The following SLTM variants were observed in gnomAD, a reference collection of about 807,000 sequenced individuals.
SLTM encodes SAFB-like transcription modulator.
SLTM carries 43 observed loss-of-function variants against 134.6 expected under a neutral mutation model. The ratio of observed to expected loss-of-function variants is 0.32; its 90% CI spans 0.25 to 0.41. The LOEUF (loss-of-function observed/expected upper bound fraction) is 0.41. SLTM is among the 10% of genes least tolerant of loss of function. The probability of loss-of-function intolerance (pLI) is 1.00; values close to 1 mark genes in which losing one functional copy is unlikely to be tolerated. For synonymous variants in SLTM, 424 were observed against 432.3 expected (o/e 0.98, Z 0.24); for missense variants, 1,055 against 1,288.8 (o/e 0.82, Z 2.78).
chr15:58,880,076 T>C lies in SLTM; in HGVS notation c.3028A>G (p.Ile1010Val). The change falls in exon 21 of 21, where the codon ATC (isoleucine) becomes GTC (valine). Residue 1010 changes from isoleucine (I) to valine (V), a missense_variant. This residue lies in a region of SLTM where 776 missense variants were observed against 962.2 expected (regional missense o/e 0.81). Coordinates refer to ENST00000380516, the MANE Select transcript of SLTM (RefSeq NM_024755.4). Reference sequence around the variant, plus strand: ...CCTCTTGGCATGGAATTGCCACTGATTTGTACAATTCTATTAATTGGGGAT... The same window carrying C: ...CCTCTTGGCATGGAATTGCCACTGACTTGTACAATTCTATTAATTGGGGAT... The part of the protein sequence containing the change: ...NASPINRIVQ[I>V]SGNSMPRGSG... 2 of 1,614,102 alleles carry C rather than the reference T, an allele frequency of 1.2e-6. No homozygotes were observed. The highest frequency in any genetic ancestry group is 1.1e-5 in the South Asian group (1 of 91,068).
intron 5 of SLTM, among the ~76,000 whole-genome samples, chr15:58,907,272 T>G (rs577011552): frequency 6.6e-6 from 1 of 152,248 alleles, no homozygotes; most frequent in Admixed American, 6.5e-5. Context: ...AAAAGGAATA[T>G]ACATGATGTT....
intron 2 of SLTM, among the ~76,000 whole-genome samples, chr15:58,919,593 G>C (rs1303641088): frequency 6.6e-6 from 1 of 152,008 alleles, no homozygotes; most frequent in Non-Finnish European, 1.5e-5. Flanking sequence ...ACCAACCACT[G>C]CACTCCAGCC....
At chr15:58,886,091 G>A (rs1175278049) in intron 19 of SLTM, among the ~76,000 whole-genome samples, 1 of 151,988 alleles carries the variant, frequency 6.6e-6, no homozygotes, top group Non-Finnish European at 1.5e-5. Flanking sequence ...AGTGTCACAA[G>A]AGTAAAAATT....
intron 1 of SLTM, among the ~76,000 whole-genome samples, chr15:58,932,772 T>A (rs1167298629): frequency 1.3e-5 from 2 of 151,728 alleles, no homozygotes; most frequent in African/African-American, 4.8e-5. Context: ...CTAAAAAGAG[T>A]TTTCCTAGTT....
chr15:58,891,754 T>C (rs1179758242), intron 14 of SLTM, among the ~76,000 whole-genome samples: 1 of 152,242 alleles, frequency 6.6e-6, no homozygotes, highest in African/African-American at 2.4e-5. Context: ...ATTTCTCCTT[T>C]ATATTATAGT....
At chr15:58,889,979 A>G in intron 15 of SLTM, 1 of 402,688 alleles carries the variant, frequency 2.5e-6, no homozygotes. Flanking sequence ...TTATTTTCTA[A>G]GACTGGGATA....
chr15:58,883,257 G>A (rs1249477024), intron 20 of SLTM, among the ~76,000 whole-genome samples: 1 of 152,252 alleles, frequency 6.6e-6, no homozygotes, highest in Non-Finnish European at 1.5e-5. Flanking sequence ...GGAGGTTGCA[G>A]TGAGCCAAGA....
At chr15:58,881,917 A>G (rs2033744341) in intron 20 of SLTM, among the ~76,000 whole-genome samples, 1 of 151,920 alleles carries the variant, frequency 6.6e-6, no homozygotes, top group East Asian at 2.0e-4. Flanking sequence ...TTAAAAAAAA[A>G]TAGAGCCACA....
At chr15:58,902,391 T>A (rs1285846573) in intron 5 of SLTM, among the ~76,000 whole-genome samples, 3 of 145,730 alleles carry the variant, frequency 2.1e-5, no homozygotes, top group Admixed American at 6.7e-5. Context: ...TTTTGATTGT[T>A]TTTTTTTTTT....
rs1200252716 is a variant in SLTM at position 58,901,124 on chromosome 15, CTAACT to C, written c.589+131_589+135del. 4 of 723,728 alleles carry C rather than the reference CTAACT, an allele frequency of 5.5e-6. No individual in the cohort carries two copies. The African/African-American group carries it at 7.2e-5, about 13-fold the overall frequency. The allele number at this position is 723,728 out of a possible 1,614,324, so 44.8% of individuals were successfully genotyped here. A position where few individuals can be genotyped will look rare whatever the true frequency, so the allele number is the denominator to read the frequency against. On this transcript the variant is annotated intron_variant, in intron 6 of 20. Transcript: ENST00000380516. ...CCAATTGGAAAATAAAATCAAGATG[CTAACT>C]TAATTCACTAAATGGATAAATTTGA...
chr15:58,926,628 T>C (rs1326693984), intron 2 of SLTM, among the ~76,000 whole-genome samples: 17 of 151,632 alleles, frequency 1.1e-4, no homozygotes, highest in African/African-American at 2.9e-4. Context: ...TTTTTTTTTT[T>C]CTTTGAGTCA....
chr15:58,894,610 G>A (rs1409459383), intron 9 of SLTM, 28 bp from the exon 10 acceptor site: 3 of 1,604,012 alleles, frequency 1.9e-6, no homozygotes, highest in African/African-American at 1.3e-5. Context: ...ACTTTAGAGA[G>A]TTTTACAACG....
intron 2 of SLTM, among the ~76,000 whole-genome samples, chr15:58,929,240 TG>T (rs1341240505): frequency 6.6e-6 from 1 of 152,092 alleles, no homozygotes; most frequent in Non-Finnish European, 1.5e-5. Flanking sequence ...TACCTGAGGT[TG>T]GGAGTTCAAG....
chr15:58,911,125 C>T lies in SLTM; in HGVS notation c.561+1438G>A, dbSNP rs573295106. Among the ~76,000 whole-genome samples, 118 of 152,182 alleles carry T rather than the reference C, an allele frequency of 7.8e-4. 3 individuals are homozygous for T. In the South Asian group the frequency reaches 0.023, roughly 30 times the overall value. On this transcript the variant is annotated intron_variant, in intron 5 of 20. Transcript: ENST00000380516. ...TTTCACCATTCTAATATTTCCTTCC[C>T]GAATATTCCAAATGATCAGCAACAT...
chr15:58,888,758 A>G, intron 16 of SLTM: 1 of 420,736 alleles, frequency 2.4e-6, no homozygotes, highest in Non-Finnish European at 4.2e-6. Flanking sequence ...GGAATTTAAC[A>G]GGAGAGAAAA....
At chr15:58,920,098 T>C (rs2036917363) in intron 2 of SLTM, among the ~76,000 whole-genome samples, 1 of 151,602 alleles carries the variant, frequency 6.6e-6, no homozygotes, top group African/African-American at 2.4e-5. Context: ...GGCAGATTGC[T>C]TGAAGCCCGG....
At chr15:58,915,807 A>G (rs1179497788) in intron 3 of SLTM, among the ~76,000 whole-genome samples, 1 of 152,104 alleles carries the variant, frequency 6.6e-6, no homozygotes, top group Admixed American at 6.6e-5. Context: ...AAACACAAAC[A>G]TCGAGAGACA....
intron 2 of SLTM, among the ~76,000 whole-genome samples, chr15:58,926,669 C>G (rs1257265648): frequency 6.7e-6 from 1 of 149,682 alleles, no homozygotes; most frequent in African/African-American, 2.5e-5. Flanking sequence ...GGCTGGAGTG[C>G]AGCAGCACCA....
rs1206878433 is a variant in SLTM at position 58,912,624 on chromosome 15, T to A, written c.514-14A>T. The A allele has an allele frequency of 1.3e-6, 2 of 1,591,634 alleles. No individual in the cohort carries two copies. The highest frequency in any genetic ancestry group is 1.3e-5 in the African/African-American group (1 of 74,768). On this transcript the variant is annotated splice_polypyrimidine_tract_variant and intron_variant, in intron 4 of 20. Coordinates refer to ENST00000380516, the MANE Select transcript of SLTM (RefSeq NM_024755.4). ...AGCTTCAATTTCCTAAGTAAAAGGG[T>A]ATACAATAGCTTTGCTTTATAAAAT...
Sources: gnomAD v4.1 joint callset for allele counts (sites outside exome capture counted in the v4.1 genomes callset) on GRCh38, gnomAD v4.1.1 for gene constraint, gnomAD v4.1.1 regional missense constraint, MANE v1.5 for transcripts, NCBI Gene and HGNC (gene_info 2026-07-23, HGNC 2026-07-21) for gene names.